Variants in CADM1 observed in about 807,000 individuals in gnomAD.
The protein encoded by CADM1 is cell adhesion molecule 1, also known as TSLC-1.
Under a neutral mutation model 53.1 loss-of-function variants are expected in CADM1, and 15 were observed. That is an observed-to-expected ratio of 0.28 (90% confidence interval 0.19 to 0.44). The LOEUF (loss-of-function observed/expected upper bound fraction) is 0.44. Ranked by LOEUF, CADM1 falls within the 20% of genes least tolerant of loss-of-function variation. The probability of loss-of-function intolerance (pLI) is 1.00; values close to 1 mark genes in which losing one functional copy is unlikely to be tolerated. For synonymous variants in CADM1, 281 were observed against 243.0 expected (o/e 1.16, Z -1.45); for missense variants, 434 against 611.3 (o/e 0.71, Z 3.06).
intron 1 of CADM1, among the ~76,000 whole-genome samples, chr11:115,273,440 T>C (rs1591660882): frequency 6.6e-6 from 1 of 152,196 alleles, no homozygotes; most frequent in African/African-American, 2.4e-5. Context: ...AAACAAGAAG[T>C]CATACCAGAT....
intron 1 of CADM1, among the ~76,000 whole-genome samples, chr11:115,319,114 C>G (rs1944753234): frequency 6.6e-6 from 1 of 152,130 alleles, no homozygotes; most frequent in Non-Finnish European, 1.5e-5. Context: ...TGCTAGTTGC[C>G]TCACAAACAT....
intron 1 of CADM1, among the ~76,000 whole-genome samples, chr11:115,393,201 ATATT>A (rs1316571631): frequency 6.6e-6 from 1 of 151,936 alleles, no homozygotes; most frequent in African/African-American, 2.4e-5. Flanking sequence ...AAATAATACA[ATATT>A]AAATAAATAA....
chr11:115,249,294 C>G (rs537580566), intron 1 of CADM1, among the ~76,000 whole-genome samples: 1 of 152,320 alleles, frequency 6.6e-6, no homozygotes, highest in East Asian at 1.9e-4. Context: ...TGACTGCTTT[C>G]TAGAGTGAAA....
At chr11:115,206,929 G>A (rs942159625) in intron 8 of CADM1, among the ~76,000 whole-genome samples, 1 of 151,762 alleles carries the variant, frequency 6.6e-6, no homozygotes, top group Non-Finnish European at 1.5e-5. Context: ...GATTCAGACT[G>A]GAAGATTTTT....
At chr11:115,352,479 C>T (rs1021523200) in intron 1 of CADM1, among the ~76,000 whole-genome samples, 1 of 152,176 alleles carries the variant, frequency 6.6e-6, no homozygotes, top group Non-Finnish European at 1.5e-5. Flanking sequence ...CTGTCACAGG[C>T]TATGCAGAGT....
intron 1 of CADM1, among the ~76,000 whole-genome samples, chr11:115,500,304 A>G (rs1375569846): frequency 6.6e-6 from 1 of 151,928 alleles, no homozygotes; most frequent in African/African-American, 2.4e-5. Context: ...AAAAACAGAC[A>G]CACACACACA....
chr11:115,243,000 G>A (rs777010079), intron 1 of CADM1, among the ~76,000 whole-genome samples: 1 of 152,202 alleles, frequency 6.6e-6, no homozygotes, highest in Non-Finnish European at 1.5e-5. Flanking sequence ...ATAGGGGATG[G>A]GAAAAGAGGC....
Position 115,331,873 on chromosome 11 carries a change from C to CTTT in CADM1, c.125-91456_125-91454dup, listed in dbSNP as rs141722707. On this transcript the variant is annotated intron_variant, in intron 1 of 11. Transcript: ENST00000331581. ...GATGTAACTAAAATGAAATATAGACCTTTTTTTTTGTTTTTTTGAGTTCAA... is the reference window on the plus strand; with the variant it reads ...GATGTAACTAAAATGAAATATAGACCTTTTTTTTTTTTGTTTTTTTGAGTTCAA... Among the ~76,000 whole-genome samples the CTTT allele has an allele frequency of 6.0e-4, 88 of 146,860 alleles. 1 individual carries two copies. The East Asian group carries it at 0.013, about 21-fold the overall frequency.
chr11:115,371,160 T>G (rs1946296684), intron 1 of CADM1, among the ~76,000 whole-genome samples: 1 of 152,172 alleles, frequency 6.6e-6, no homozygotes, highest in Admixed American at 6.5e-5. Flanking sequence ...TATGTAAGAC[T>G]TTTTTGTTAT....
At chr11:115,278,486 G>T (rs1425804091) in intron 1 of CADM1, among the ~76,000 whole-genome samples, 1 of 152,084 alleles carries the variant, frequency 6.6e-6, no homozygotes, top group Non-Finnish European at 1.5e-5. Flanking sequence ...GAGGAAGAAG[G>T]GCCTTATTTT....
intron 1 of CADM1, among the ~76,000 whole-genome samples, chr11:115,357,942 A>G (rs1433438054): frequency 6.6e-6 from 1 of 152,100 alleles, no homozygotes; most frequent in Non-Finnish European, 1.5e-5. Context: ...ACACTAGATA[A>G]TTACTTGATT....
intron 1 of CADM1, among the ~76,000 whole-genome samples, chr11:115,315,926 A>G (rs1458798388): frequency 6.6e-6 from 1 of 152,168 alleles, no homozygotes; most frequent in Non-Finnish European, 1.5e-5. Flanking sequence ...TTTTCATTCA[A>G]CTGGGAGGGT....
intron 9 of CADM1, among the ~76,000 whole-genome samples, chr11:115,196,623 A>AAAAAAAAAAAAAAAG (rs1565291008): frequency 2.1e-5 from 3 of 140,148 alleles, no homozygotes; most frequent in East Asian, 2.2e-4. Context: ...AAAAAAAATC[A>AAAAAAAAAAAAAAAG]CAAAACAATC....
Position 115,504,361 on chromosome 11 carries a change from A to G in CADM1, c.34T>C (p.Cys12Arg), listed in dbSNP as rs1162531270. ...ASVVLPSGSQ[C>R]AAAAAAAAPP... is the part of the protein sequence containing the mutation. Reference sequence around the variant, plus strand: ...GCCGCCGCCGCCGCTGCCGCCGCACACTGGGATCCGCTCGGCAGCACTACA... The same window carrying G: ...GCCGCCGCCGCCGCTGCCGCCGCACGCTGGGATCCGCTCGGCAGCACTACA... The change falls in exon 1 of 12, where the codon TGT (cysteine) becomes CGT (arginine). Residue 12 changes from cysteine to arginine, a missense_variant. Around this residue, in one of 4 missense-constraint regions of CADM1, gnomAD observed 76 missense variants for 59.8 expected, o/e 1.27. Coordinates refer to ENST00000331581, the MANE Select transcript of CADM1 (RefSeq NM_001301043.2). 1.3e-6 allele frequency: 2 copies of G among 1,548,396 alleles called. No homozygotes were observed. The highest frequency in any genetic ancestry group is 1.7e-6 in the Non-Finnish European group (2 of 1,146,256).
chr11:115,422,593 ATTTGT>A (rs918701591), intron 1 of CADM1, among the ~76,000 whole-genome samples: 1 of 152,170 alleles, frequency 6.6e-6, no homozygotes, highest in African/African-American at 2.4e-5. Flanking sequence ...GAACACATCT[ATTTGT>A]TATCTCATCC....
intron 1 of CADM1, among the ~76,000 whole-genome samples, chr11:115,337,710 A>G (rs1244997354): frequency 6.6e-6 from 1 of 152,162 alleles, no homozygotes; most frequent in Non-Finnish European, 1.5e-5. Flanking sequence ...TCACAATACT[A>G]TAAATAAACT....
intron 1 of CADM1, among the ~76,000 whole-genome samples, chr11:115,308,211 T>TATATTTATACAC (rs139012671): frequency 7.2e-6 from 1 of 139,384 alleles, no homozygotes; most frequent in African/African-American, 2.7e-5. Flanking sequence ...TATATATATA[T>TATATTTATACAC]ACACACCTAT....
At chr11:115,206,773 T>TTTTTTTTTA (rs1940714938) in intron 8 of CADM1, among the ~76,000 whole-genome samples, 1 of 129,422 alleles carries the variant, frequency 7.7e-6, no homozygotes, top group South Asian at 2.7e-4. Flanking sequence ...TTTTTTTTTT[T>TTTTTTTTTA]TTTTTTTTTT....
chr11:115,254,549 AACACACAC>A (rs58261564), intron 1 of CADM1, among the ~76,000 whole-genome samples: 3,368 of 134,952 alleles, frequency 0.025, 105 homozygotes, highest in East Asian at 0.13. Flanking sequence ...AAGGGAGACA[AACACACAC>A]ACACACACAC....
Sources: allele counts gnomAD v4.1 joint callset (sites outside exome capture counted in the v4.1 genomes callset), GRCh38; gene constraint gnomAD v4.1.1; regional missense constraint gnomAD v4.1.1; transcripts MANE v1.5; gene names NCBI Gene and HGNC (gene_info 2026-07-23, HGNC 2026-07-21).